PCDHGA11: variants seen among roughly 807,000 people sequenced by gnomAD.
The protein encoded by PCDHGA11 is protocadherin gamma-A11.
A neutral mutation model predicts 60.4 loss-of-function variants in PCDHGA11; 39 were observed. The observed-to-expected ratio is 0.65, with a 90% CI of 0.50 to 0.84. The LOEUF (loss-of-function observed/expected upper bound fraction) is 0.84. PCDHGA11 is among the 40% of genes least tolerant of loss of function. The pLI, the probability that PCDHGA11 is intolerant of heterozygous loss-of-function variation, is 0.00. For missense variants in PCDHGA11, 1,165 were observed against 1,197.7 expected (o/e 0.97, Z 0.40); for synonymous variants, 533 against 510.3 (o/e 1.04, Z -0.60).
chr5:141,474,153 A>G (rs1424442765), intron 1 of PCDHGA11, among the ~76,000 whole-genome samples: 3 of 152,254 alleles, frequency 2.0e-5, no homozygotes, highest in Non-Finnish European at 4.4e-5. Flanking sequence ...TATCAAGAAA[A>G]TGACAGGCCT....
Position 141,485,256 on chromosome 5 carries a change from G to A in PCDHGA11, c.2434-9551G>A, listed in dbSNP as rs770176450. The A allele has an allele frequency of 6.2e-7, 1 of 1,614,186 alleles. No homozygotes were observed. Among genetic ancestry groups the A allele is most frequent in the Non-Finnish European group, 8.5e-7 (1 of 1,179,996 alleles). On this transcript the variant is annotated intron_variant, in intron 1 of 3. Transcript: ENST00000398587. The surrounding 1 kb of genome is among the most constrained non-coding windows in gnomAD (Gnocchi z 5.7). ...CTCTTTTACCACCTGGGTTACGTTTGTGGGCAGATCCGCTACCCGGTCCCA... is the reference window on the plus strand; with the variant it reads ...CTCTTTTACCACCTGGGTTACGTTTATGGGCAGATCCGCTACCCGGTCCCA...
intron 1 of PCDHGA11, among the ~76,000 whole-genome samples, chr5:141,453,193 A>G (rs2098757675): frequency 6.6e-6 from 1 of 152,142 alleles, no homozygotes; most frequent in Admixed American, 6.5e-5. Context: ...AGCTCACTGC[A>G]GCCTCAACCT....
rs1360494290 is a variant in PCDHGA11 at position 141,433,285 on chromosome 5, C to T, written c.2433+9625C>T. On this transcript the variant is annotated intron_variant, in intron 1 of 3. Coordinates refer to ENST00000398587, the MANE Select transcript of PCDHGA11 (RefSeq NM_018914.3). ...CATAGCTCACTGCAGCCTCAAACTCCTAGGCTCAAGCAATTATCCCACCTT... is the reference window on the plus strand; with the variant it reads ...CATAGCTCACTGCAGCCTCAAACTCTTAGGCTCAAGCAATTATCCCACCTT... The T allele has an allele frequency of 6.8e-6, 8 of 1,169,708 alleles. No individual in the cohort carries two copies. In the East Asian group the frequency reaches 1.7e-4, roughly 25 times the overall value. The allele number at this position is 1,169,708 out of a possible 1,614,324, so 72.5% of individuals were successfully genotyped here. A position where few individuals can be genotyped will look rare whatever the true frequency, so the allele number is the denominator to read the frequency against.
chr5:141,426,646 T>C (rs764903298), intron 1 of PCDHGA11: 1 of 416,448 alleles, frequency 2.4e-6, no homozygotes, highest in South Asian at 1.7e-5. Flanking sequence ...ATAAATGTGA[T>C]GATAGAAGAT....
At chr5:141,424,120 C>A in intron 1 of PCDHGA11, 2 of 650,838 alleles carry the variant, frequency 3.1e-6, no homozygotes, top group Non-Finnish European at 3.9e-6. Context: ...AAATTTTGAT[C>A]CTGTTGATTT....
rs770249472 is a variant in PCDHGA11, at chr5:141,477,747, C to T, written c.2434-17060C>T. On this transcript the variant is annotated intron_variant, in intron 1 of 3. Transcript: ENST00000398587. The surrounding 1 kb of genome is among the most constrained non-coding windows in gnomAD (Gnocchi z 4.9). ...ACAGCTCATATCAGCGATGGGGGCA[C>T]CCCGGTCCTAGCCACCAACATCAGC... 6.2e-7 allele frequency: 1 copy of T among 1,613,840 alleles called. No individual in the cohort carries two copies. The highest frequency in any genetic ancestry group is 1.7e-5 in the Admixed American group (1 of 60,026).
At chr5:141,426,116 G>A (rs1324245739) in intron 1 of PCDHGA11, among the ~76,000 whole-genome samples, 3 of 152,232 alleles carry the variant, frequency 2.0e-5, no homozygotes, top group African/African-American at 7.2e-5. Context: ...AAGCAAGTCG[G>A]AGAGTGGCCA....
At chr5:141,448,907 T>G (rs1253773780) in intron 1 of PCDHGA11, among the ~76,000 whole-genome samples, 1 of 152,178 alleles carries the variant, frequency 6.6e-6, no homozygotes, top group African/African-American at 2.4e-5. Flanking sequence ...ATCGTGCCAC[T>G]GCACTCCAGC....
rs2099404773 is a variant in PCDHGA11 at position 141,477,081 on chromosome 5, T to C, written c.2434-17726T>C. ...GACACCAAACTCCATGAGATTTACA[T>C]CCAGGCCAAAGACAAGGGCGCCAAT... On this transcript the variant is annotated intron_variant, in intron 1 of 3. Transcript: ENST00000398587. The surrounding 1 kb of genome is among the most constrained non-coding windows in gnomAD (Gnocchi z 4.9). 6.2e-7 allele frequency: 1 copy of C among 1,614,104 alleles called. No individual in the cohort carries two copies. Among genetic ancestry groups the C allele is most frequent in the Non-Finnish European group, 8.5e-7 (1 of 1,180,052 alleles).
In PCDHGA11 at chr5:141,421,687, G is replaced by C. The variant is rs763146085; in HGVS notation, c.460G>C (p.Ala154Pro). The change falls in exon 1 of 4, where the codon GCT (alanine) becomes CCT (proline). Residue 154 changes from alanine (A) to proline (P), a missense_variant. By Grantham distance (27) the Ala-to-Pro change is conservative. Coordinates refer to ENST00000398587, the MANE Select transcript of PCDHGA11 (RefSeq NM_018914.3). ...GCACGCAATTCCTGGGGCGCGATTT[G>C]CTCTTCCTAATGCTAGGGATCCAGA... ...SEHAIPGARF[A>P]LPNARDPDVG... 1.3e-5 allele frequency: 21 copies of C among 1,613,788 alleles called. No individual in the cohort carries two copies. Among genetic ancestry groups the C allele is most frequent in the Non-Finnish European group, 1.8e-5 (21 of 1,179,860 alleles).
intron 3 of PCDHGA11, among the ~76,000 whole-genome samples, chr5:141,509,064 C>T (rs890846779): frequency 6.6e-6 from 1 of 152,184 alleles, no homozygotes; most frequent in African/African-American, 2.4e-5. Flanking sequence ...AAGCTCTCAG[C>T]TCCGGGGATT....
At chr5:141,492,601 C>T (rs1374321466) in intron 1 of PCDHGA11, among the ~76,000 whole-genome samples, 2 of 152,220 alleles carry the variant, frequency 1.3e-5, no homozygotes, top group East Asian at 3.9e-4. Context: ...GGAGCGACTG[C>T]CGCTCTAAGT....
chr5:141,477,777 A>G lies in PCDHGA11; in HGVS notation c.2434-17030A>G, dbSNP rs775845004. ...GTCCTAGCCACCAACATCAGCGTGA[A>G]CATATTTGTCACTGATCGCAATGAC... is the stretch of plus-strand genomic sequence containing the variant. On this transcript the variant is annotated intron_variant, in intron 1 of 3. Transcript: ENST00000398587. The surrounding 1 kb of genome is among the most constrained non-coding windows in gnomAD (Gnocchi z 4.9). The G allele has an allele frequency of 1.9e-4, 299 of 1,613,944 alleles. No homozygotes were observed. Among genetic ancestry groups the G allele is most frequent in the Non-Finnish European group, 2.5e-4 (295 of 1,180,048 alleles).
chr5:141,511,342 C>T lies in PCDHGA11; in HGVS notation c.*169C>T. On this transcript the variant is annotated 3_prime_UTR_variant, in exon 4 of 4. Transcript: ENST00000398587. The stretch of plus-strand genomic sequence containing the variant: ...AACAAGTGCCCAGTCAGCACCTACC[C>T]CTTCCCCCCCAGGGGGTTGAATATG... The T allele has an allele frequency of 7.0e-7, 1 of 1,425,078 alleles. No individual in the cohort carries two copies. Among genetic ancestry groups the T allele is most frequent in the East Asian group, 2.5e-5 (1 of 40,014 alleles). 88.3% of individuals were successfully genotyped at this position (1,425,078 alleles called of 1,614,324 possible). A position where few individuals can be genotyped will look rare whatever the true frequency, so the allele number is the denominator to read the frequency against.
rs1057374827 is a variant in PCDHGA11, at chr5:141,485,503, C to G, written c.2434-9304C>G. 3.1e-6 allele frequency: 5 copies of G among 1,613,978 alleles called. No homozygotes were observed. Among genetic ancestry groups the G allele is most frequent in the Non-Finnish European group, 4.2e-6 (5 of 1,180,016 alleles). On this transcript the variant is annotated intron_variant, in intron 1 of 3. Coordinates refer to ENST00000398587, the MANE Select transcript of PCDHGA11 (RefSeq NM_018914.3). This position sits in a 1 kb window ranked among gnomAD's most constrained non-coding sequence, Gnocchi z 5.7. ...GCATCGTGCCCCTGGAGTTTGTCACCGAAGGTCCTTTGGAAATGTACCGAG... is the reference window on the plus strand; with the variant it reads ...GCATCGTGCCCCTGGAGTTTGTCACGGAAGGTCCTTTGGAAATGTACCGAG...
chr5:141,434,894 C>T (rs1316284716), intron 1 of PCDHGA11, among the ~76,000 whole-genome samples: 1 of 143,118 alleles, frequency 7.0e-6, no homozygotes, highest in East Asian at 2.1e-4. Flanking sequence ...AATCCAGTCC[C>T]CTTCCCTCAT....
chr5:141,476,091 G>A lies in PCDHGA11; in HGVS notation c.2434-18716G>A. The A allele has an allele frequency of 2.6e-6, 4 of 1,563,192 alleles. No individual in the cohort carries two copies. The highest frequency in any genetic ancestry group is 3.5e-6 in the Non-Finnish European group (4 of 1,159,278). On this transcript the variant is annotated intron_variant, in intron 1 of 3. Transcript: ENST00000398587. The surrounding 1 kb of genome is among the most constrained non-coding windows in gnomAD (Gnocchi z 7.6). ...AAATCTCAGGGACGATCTGGACCCCGCTGAGAGGAACTGCTTTTGAGTGAG... is the reference window on the plus strand; with the variant it reads ...AAATCTCAGGGACGATCTGGACCCCACTGAGAGGAACTGCTTTTGAGTGAG...
intron 1 of PCDHGA11, chr5:141,426,985 A>G (rs534298238): frequency 7.7e-5 from 35 of 456,646 alleles, no homozygotes; most frequent in Non-Finnish European, 1.3e-4. Context: ...ACTGATGCCA[A>G]CGATAATGCC....
chr5:141,496,916 T>C (rs1252437822), intron 2 of PCDHGA11, among the ~76,000 whole-genome samples: 4 of 148,274 alleles, frequency 2.7e-5, no homozygotes, highest in African/African-American at 9.9e-5. Context: ...CTGGGCACTG[T>C]GGTTCACGCC....
Sources: gnomAD v4.1 joint callset for allele counts (sites outside exome capture counted in the v4.1 genomes callset) on GRCh38, gnomAD v4.1.1 for gene constraint, Gnocchi (gnomAD v3.1) non-coding constraint, MANE v1.5 for transcripts, NCBI Gene and HGNC (gene_info 2026-07-23, HGNC 2026-07-21) for gene names.